The following LDLRAD4 variants were observed in gnomAD, a reference collection of about 807,000 sequenced individuals.
LDLRAD4 encodes low density lipoprotein receptor class A domain containing 4.
LDLRAD4 carries 5 observed loss-of-function variants against 17.0 expected under a neutral mutation model. That is an observed-to-expected ratio of 0.29 (90% CI 0.15 to 0.62). LDLRAD4 has a LOEUF of 0.62. LDLRAD4 is among the 20% of genes least tolerant of loss of function. The probability of loss-of-function intolerance (pLI) is 0.84; values close to 1 mark genes in which losing one functional copy is unlikely to be tolerated. For missense variants in LDLRAD4, 340 were observed against 424.7 expected, an observed-to-expected ratio of 0.80 and a Z score of 1.75; for synonymous variants, 168 against 171.8, an observed-to-expected ratio of 0.98 and a Z score of 0.17.
chr18:13,343,925 G>A (rs1261275548), intron 1 of LDLRAD4, among the ~76,000 whole-genome samples: 3 of 152,028 alleles, frequency 2.0e-5, no homozygotes, highest in African/African-American at 7.3e-5. Context: ...TTTTTGATGG[G>A]GTTATTTGTT....
At chr18:13,571,108 C>T (rs972992343) in intron 3 of LDLRAD4, among the ~76,000 whole-genome samples, 2 of 152,200 alleles carry the variant, frequency 1.3e-5, no homozygotes, top group African/African-American at 2.4e-5. Flanking sequence ...GCATGAGCCA[C>T]CACGCCTGGC....
intron 2 of LDLRAD4, among the ~76,000 whole-genome samples, chr18:13,432,297 T>C (rs573264983): frequency 1.3e-5 from 2 of 152,356 alleles, no homozygotes; most frequent in South Asian, 2.1e-4. Context: ...CACTACTTTC[T>C]GGATGCTGTG....
At chr18:13,453,842 A>C (rs1463000716) in intron 3 of LDLRAD4, among the ~76,000 whole-genome samples, 1 of 152,234 alleles carries the variant, frequency 6.6e-6, no homozygotes, top group East Asian at 1.9e-4. Flanking sequence ...CAGTGGGGAC[A>C]ATAATGACGC....
At chr18:13,538,795 G>A (rs149255426) in intron 3 of LDLRAD4, among the ~76,000 whole-genome samples, 23,537 of 152,204 alleles carry the variant, frequency 0.15, 2,053 homozygotes, top group Middle Eastern at 0.28. Context: ...CAAAGTGCTG[G>A]GATGACAGGC....
chr18:13,237,092 G>A (rs965690911), intron 1 of LDLRAD4, among the ~76,000 whole-genome samples: 1 of 152,222 alleles, frequency 6.6e-6, no homozygotes, highest in African/African-American at 2.4e-5. Flanking sequence ...CTCATAGAAC[G>A]CTTGCTAGGC....
rs1438741973 is a variant in LDLRAD4 at position 13,289,982 on chromosome 18, C to T, written c.-383+11794C>T. ...CCGGTCAGGACAGCAGATTCCTGCC[C>T]TTCCCATACCCTGTTGGGGAGTTTT... On this transcript the variant is annotated intron_variant, in intron 1 of 5. Transcript: ENST00000359446. 2.0e-5 allele frequency among the ~76,000 whole-genome samples: 3 copies of T among 152,232 alleles called. No individual in the cohort carries two copies. In the East Asian group the frequency reaches 5.8e-4, roughly 29 times the overall value.
chr18:13,371,289 G>A (rs1457343080), intron 1 of LDLRAD4, among the ~76,000 whole-genome samples: 1 of 152,204 alleles, frequency 6.6e-6, no homozygotes, highest in African/African-American at 2.4e-5. Flanking sequence ...TGGGCTGACT[G>A]CTGCCATCAC....
chr18:13,610,682 G>C (rs2039465871), intron 3 of LDLRAD4, among the ~76,000 whole-genome samples: 1 of 152,178 alleles, frequency 6.6e-6, no homozygotes, highest in Admixed American at 6.5e-5. Context: ...ATGTGACTGA[G>C]CCTGACCAGG....
intron 1 of LDLRAD4, among the ~76,000 whole-genome samples, chr18:13,359,191 G>A (rs2083514087): frequency 6.6e-6 from 1 of 152,200 alleles, no homozygotes; most frequent in Admixed American, 6.5e-5. Flanking sequence ...ACTATAGGTG[G>A]CTCTGAGGCA....
At chr18:13,418,107 C>T (rs764619657) in intron 2 of LDLRAD4, among the ~76,000 whole-genome samples, 4 of 152,296 alleles carry the variant, frequency 2.6e-5, no homozygotes, top group Non-Finnish European at 4.4e-5. Context: ...CTGGAGCTCC[C>T]GCTCCCCACC....
Position 13,621,275 on chromosome 18 carries a change from A to G in LDLRAD4, c.336+4A>G, listed in dbSNP as rs756009569. 2 of 1,610,164 alleles carry G rather than the reference A, an allele frequency of 1.2e-6. No homozygotes were observed. Among genetic ancestry groups the G allele is most frequent in the Middle Eastern group, 1.7e-4 (1 of 6,058 alleles). Reference sequence around the variant, plus strand: ...GCGGGAGGACGGGCTGCCGCAGGTGAGTACCCTGGCCGCCCCGGCTCCAGA... The same window carrying G: ...GCGGGAGGACGGGCTGCCGCAGGTGGGTACCCTGGCCGCCCCGGCTCCAGA... On this transcript the variant is annotated splice_donor_region_variant and intron_variant, in intron 4 of 5. Coordinates refer to ENST00000359446, the Ensembl canonical transcript of LDLRAD4. The surrounding 1 kb of genome is among the most constrained non-coding windows in gnomAD (Gnocchi z 5.5).
intron 4 of LDLRAD4, among the ~76,000 whole-genome samples, chr18:13,626,438 G>A (rs1026505857): frequency 5.3e-5 from 8 of 152,104 alleles, no homozygotes; most frequent in African/African-American, 1.9e-4. Context: ...CCTGGCCTGT[G>A]TGGACAGCCC....
chr18:13,277,269 T>C (rs2044937505), upstream of LDLRAD4, among the ~76,000 whole-genome samples: 1 of 152,132 alleles, frequency 6.6e-6, no homozygotes, highest in Non-Finnish European at 1.5e-5. Context: ...GGTGGCTTAG[T>C]CCCCCTTGGA....
chr18:13,616,254 G>A (rs879329225), intron 3 of LDLRAD4: 1 of 24,710 alleles, frequency 4.0e-5, no homozygotes, highest in African/African-American at 6.7e-5. Flanking sequence ...GGACAGGTGG[G>A]GGGGGGGGGG....
intron 2 of LDLRAD4, among the ~76,000 whole-genome samples, chr18:13,410,958 G>A (rs1419139832): frequency 1.3e-5 from 2 of 152,146 alleles, no homozygotes; most frequent in Non-Finnish European, 2.9e-5. Context: ...GTTATTATAA[G>A]TATCAATACG....
intron 3 of LDLRAD4, among the ~76,000 whole-genome samples, chr18:13,481,115 C>G (rs2093071838): frequency 6.6e-6 from 1 of 152,220 alleles, no homozygotes. Flanking sequence ...TGCACAATGG[C>G]TGAGCCTGAC....
intron 1 of LDLRAD4, among the ~76,000 whole-genome samples, chr18:13,333,297 G>A (rs543831777): frequency 6.6e-6 from 1 of 152,186 alleles, no homozygotes; most frequent in East Asian, 1.9e-4. Flanking sequence ...AGAATTCTTT[G>A]TATGTTTTGG....
At chr18:13,583,955 G>A (rs1001301066) in intron 3 of LDLRAD4, among the ~76,000 whole-genome samples, 3 of 152,224 alleles carry the variant, frequency 2.0e-5, no homozygotes, top group East Asian at 1.9e-4. Context: ...CAGGCCTGCC[G>A]TGCCCTTCCC....
intron 1 of LDLRAD4, among the ~76,000 whole-genome samples, chr18:13,303,003 T>A (rs1317498028): frequency 6.6e-6 from 1 of 152,232 alleles, no homozygotes; most frequent in African/African-American, 2.4e-5. Context: ...TCCTGCTTTT[T>A]AGAAAGATTT....
Sources: gnomAD v4.1 joint callset for allele counts (sites outside exome capture counted in the v4.1 genomes callset) on GRCh38, gnomAD v4.1.1 for gene constraint, Gnocchi (gnomAD v3.1) non-coding constraint, MANE v1.5 for transcripts, NCBI Gene and HGNC (gene_info 2026-07-23, HGNC 2026-07-21) for gene names.